MACROD2: variants seen among roughly 807,000 people sequenced by gnomAD.
MACROD2 encodes ADP-ribose glycohydrolase MACROD2.
In MACROD2, 36 loss-of-function variants were observed where a neutral mutation model predicts 70.4. The ratio of observed to expected loss-of-function variants is 0.51; its 90% CI spans 0.39 to 0.68. MACROD2 has a LOEUF of 0.68. Ranked by LOEUF, MACROD2 falls within the 30% of genes least tolerant of loss-of-function variation. MACROD2 has a pLI of 0.00. For missense variants in MACROD2, 496 were observed against 538.4 expected (o/e 0.92, Z 0.78); for synonymous variants, 172 against 178.8 (o/e 0.96, Z 0.30).
intron 8 of MACROD2, among the ~76,000 whole-genome samples, chr20:15,557,651 A>G (rs184926932): frequency 6.6e-6 from 1 of 152,354 alleles, no homozygotes; most frequent in Non-Finnish European, 1.5e-5. Context: ...CTTTAGCCCA[A>G]GTAATGGTCA....
At chr20:15,801,201 A>AAGG (rs368711907) in intron 8 of MACROD2, among the ~76,000 whole-genome samples, 8,270 of 98,112 alleles carry the variant, frequency 0.084, 564 homozygotes, top group East Asian at 0.34. Flanking sequence ...AAAAAAAAAA[A>AAGG]AAACGAAAAA....
intron 5 of MACROD2, among the ~76,000 whole-genome samples, chr20:15,179,315 T>A (rs1307632876): frequency 6.6e-6 from 1 of 152,204 alleles, no homozygotes; most frequent in Non-Finnish European, 1.5e-5. Context: ...ATTCTACCTG[T>A]GCAGAGACAA....
At chr20:15,044,893 ATATT>A (rs2075381429) in intron 5 of MACROD2, among the ~76,000 whole-genome samples, 1 of 152,210 alleles carries the variant, frequency 6.6e-6, no homozygotes, top group African/African-American at 2.4e-5. Context: ...ATCCATAGAA[ATATT>A]TAATAATATT....
Position 14,437,395 on chromosome 20 carries a change from C to T in MACROD2, c.272-56084C>T, listed in dbSNP as rs549950863. 1.3e-3 allele frequency among the ~76,000 whole-genome samples: 194 copies of T among 152,150 alleles called. 1 individual carries two copies. The highest frequency in any genetic ancestry group is 4.4e-3 in the African/African-American group (183 of 41,504). ...GAGTCACAAGGTCAGGAGTCTGAGA[C>T]CAGCCTGGCCAACATGGTGAAACCC... On this transcript the variant is annotated intron_variant, in intron 3 of 17. Transcript: ENST00000684519.
At chr20:15,113,457 C>T (rs886174710) in intron 5 of MACROD2, among the ~76,000 whole-genome samples, 2 of 152,076 alleles carry the variant, frequency 1.3e-5, no homozygotes, top group African/African-American at 4.8e-5. Context: ...TTTTTCAGAA[C>T]ACTTGAAATA....
chr20:14,275,606 G>A (rs970149687), intron 3 of MACROD2, among the ~76,000 whole-genome samples: 17 of 151,660 alleles, frequency 1.1e-4, no homozygotes, highest in African/African-American at 4.1e-4. Flanking sequence ...AAAAGCAATG[G>A]CAACAAAAGC....
At chr20:14,170,206 G>T (rs751865918) in intron 3 of MACROD2, among the ~76,000 whole-genome samples, 15 of 152,144 alleles carry the variant, frequency 9.9e-5, no homozygotes, top group Non-Finnish European at 1.5e-4. Flanking sequence ...CTTCTTTCAA[G>T]ATAAATTTCC....
At chr20:15,707,775 A>T (rs1173588780) in intron 8 of MACROD2, among the ~76,000 whole-genome samples, 1 of 151,896 alleles carries the variant, frequency 6.6e-6, no homozygotes, top group Non-Finnish European at 1.5e-5. Context: ...ACAGAGTGAG[A>T]CTCTGTCTCA....
chr20:15,129,575 C>T (rs1265532241), intron 5 of MACROD2, among the ~76,000 whole-genome samples: 3 of 152,080 alleles, frequency 2.0e-5, no homozygotes, highest in African/African-American at 7.2e-5. Context: ...TCTTGTATAA[C>T]TGTGGCTTGA....
chr20:14,252,592 A>G (rs2122277976), intron 3 of MACROD2, among the ~76,000 whole-genome samples: 1 of 152,008 alleles, frequency 6.6e-6, no homozygotes, highest in South Asian at 2.1e-4. Context: ...TGTTTTGTTT[A>G]CTGCCATATT....
intron 4 of MACROD2, among the ~76,000 whole-genome samples, chr20:14,600,924 T>C (rs539815467): frequency 9.9e-5 from 15 of 152,264 alleles, no homozygotes; most frequent in African/African-American, 3.6e-4. Flanking sequence ...TATAGAAAAT[T>C]CCATGGCATA....
chr20:14,828,864 A>T (rs1190209297), intron 5 of MACROD2, among the ~76,000 whole-genome samples: 2 of 151,996 alleles, frequency 1.3e-5, no homozygotes, highest in East Asian at 3.9e-4. Context: ...TTGTTGGACC[A>T]AAAAAATGGA....
chr20:14,552,898 G>A (rs1039540442), intron 4 of MACROD2, among the ~76,000 whole-genome samples: 50 of 152,234 alleles, frequency 3.3e-4, no homozygotes, highest in African/African-American at 1.2e-3. Context: ...AGTGGTGAGT[G>A]AATGTGAAGG....
chr20:14,933,176 T>TA (rs2074311105), intron 5 of MACROD2, among the ~76,000 whole-genome samples: 1 of 151,996 alleles, frequency 6.6e-6, no homozygotes, highest in Non-Finnish European at 1.5e-5. Flanking sequence ...CCTTTATACA[T>TA]ACTGGAAATT....
At chr20:15,404,240 T>A (rs1422539027) in intron 6 of MACROD2, among the ~76,000 whole-genome samples, 1 of 152,260 alleles carries the variant, frequency 6.6e-6, no homozygotes, top group African/African-American at 2.4e-5. Context: ...AACAGGATTT[T>A]GATTTTATGT....
At chr20:15,176,634 A>G (rs182825178) in intron 5 of MACROD2, among the ~76,000 whole-genome samples, 7 of 152,182 alleles carry the variant, frequency 4.6e-5, no homozygotes, top group Non-Finnish European at 7.4e-5. Context: ...CTGTCACTCA[A>G]TGGAGCTCCT....
intron 5 of MACROD2, among the ~76,000 whole-genome samples, chr20:14,700,703 A>G (rs1339279582): frequency 2.6e-5 from 4 of 152,272 alleles, no homozygotes; most frequent in Non-Finnish European, 5.9e-5. Context: ...TTACAGTAGT[A>G]AAATGCATTT....
At chr20:15,151,347 C>T (rs950668420) in intron 5 of MACROD2, among the ~76,000 whole-genome samples, 12 of 152,076 alleles carry the variant, frequency 7.9e-5, no homozygotes, top group African/African-American at 1.9e-4. Flanking sequence ...GCGGTTCAGG[C>T]GTTTGGAAGT....
intron 15 of MACROD2, among the ~76,000 whole-genome samples, chr20:16,030,670 A>G (rs1328260685): frequency 6.6e-6 from 1 of 152,200 alleles, no homozygotes; most frequent in Non-Finnish European, 1.5e-5. Context: ...AACTAAGGAG[A>G]TAAATGTTCC....
Sources: allele counts gnomAD v4.1 joint callset (sites outside exome capture counted in the v4.1 genomes callset), GRCh38; gene constraint gnomAD v4.1.1; transcripts MANE v1.5; gene names NCBI Gene and HGNC (gene_info 2026-07-23, HGNC 2026-07-21).